Variants in MYH15 observed in about 807,000 individuals in gnomAD.
MYH15 encodes the protein myosin-15.
A neutral mutation model predicts 240.5 loss-of-function variants in MYH15; 227 were observed. The observed-to-expected ratio is 0.94, with a 90% CI of 0.85 to 1.05. The LOEUF (loss-of-function observed/expected upper bound fraction) is 1.05, where lower values mean the gene tolerates loss of function less well. Ranked by LOEUF, MYH15 falls within the 50% of genes least tolerant of loss-of-function variation. MYH15 has a pLI of 0.00. For missense variants in MYH15, 2,217 were observed against 2,247.5 expected, an observed-to-expected ratio of 0.99 and a Z score of 0.27; for synonymous variants, 785 against 796.7, an observed-to-expected ratio of 0.99 and a Z score of 0.25.
intron 26 of MYH15, among the ~76,000 whole-genome samples, chr3:108,430,430 G>A (rs565557222): frequency 4.3e-4 from 66 of 152,270 alleles, no homozygotes; most frequent in African/African-American, 1.4e-3. Context: ...TAATCACAAA[G>A]AATAATCATC....
chr3:108,406,012 AT>A (rs2082544099), intron 32 of MYH15, among the ~76,000 whole-genome samples: 1 of 152,202 alleles, frequency 6.6e-6, no homozygotes, highest in Non-Finnish European at 1.5e-5. Flanking sequence ...TAACACCATA[AT>A]TGGTACCACT....
chr3:108,468,256 G>A (rs970838002), intron 14 of MYH15, among the ~76,000 whole-genome samples: 5 of 152,182 alleles, frequency 3.3e-5, no homozygotes, highest in African/African-American at 1.2e-4. Context: ...ATAAGCCACT[G>A]CACCCAGCTG....
chr3:108,440,542 TCAAA>T lies in MYH15; in HGVS notation c.2898+472_2898+475del, dbSNP rs374380047. The stretch of plus-strand genomic sequence containing the variant: ...CACACAGATGCGCAAGTTAAAACCC[TCAAA>T]CAAACTCTCAGCCAAAACAAAACAT... On this transcript the variant is annotated intron_variant, in intron 23 of 40. Coordinates refer to ENST00000693548, the MANE Select transcript of MYH15 (RefSeq NM_014981.3). 2.5e-4 allele frequency among the ~76,000 whole-genome samples: 38 copies of T among 152,220 alleles called. No individual in the cohort carries two copies. In the South Asian group the frequency reaches 4.6e-3, roughly 18 times the overall value.
the MYH15 span, chr3:108,543,883 T>A: frequency 1.3e-5 from 2 of 152,258 alleles, no homozygotes; most frequent in African/African-American, 4.8e-5. Context: ...CATAGCTGCA[T>A]ATGGTTCTCC....
chr3:108,458,072 G>C (rs775962932), intron 18 of MYH15, among the ~76,000 whole-genome samples: 1 of 152,036 alleles, frequency 6.6e-6, no homozygotes, highest in African/African-American at 2.4e-5. Context: ...AAAAAAGGGA[G>C]GGGTACAGGG....
At chr3:108,482,341 A>G (rs2083273799) in intron 11 of MYH15, among the ~76,000 whole-genome samples, 1 of 152,178 alleles carries the variant, frequency 6.6e-6, no homozygotes, top group Non-Finnish European at 1.5e-5. Context: ...TCAAGGCTGG[A>G]GCCCTGAGCA....
At chr3:108,539,754 T>C in the MYH15 span, among the ~76,000 whole-genome samples, 5 of 152,150 alleles carry the variant, frequency 3.3e-5, no homozygotes, top group African/African-American at 1.2e-4. Context: ...GTAGAGATAA[T>C]ATTATCTGAA....
intron 18 of MYH15, among the ~76,000 whole-genome samples, chr3:108,458,170 TTCTTATGACTTTG>T (rs2083039831): frequency 6.6e-6 from 1 of 152,232 alleles, no homozygotes; most frequent in South Asian, 2.1e-4. Flanking sequence ...CATGAAGCTT[TTCTTATGACTTTG>T]TCTTATGACT....
intron 1 of MYH15, among the ~76,000 whole-genome samples, chr3:108,510,177 C>G (rs1010769946): frequency 5.3e-5 from 8 of 152,114 alleles, no homozygotes; most frequent in African/African-American, 1.9e-4. Flanking sequence ...AACAGGGGCT[C>G]CTTGAAGAGA....
At position 108,470,103 on chromosome 3, in the gene MYH15, A is replaced by G. The variant is rs1357652980; in HGVS notation, c.1493T>C (p.Ile498Thr). ...ACCAAAGCCAATAGACACCCATTCA[A>G]TGCTTTCTTTCTTATATTCCTCTTG... The part of the protein sequence containing the change: ...LEQEEYKKES[I>T]EWVSIGFGLD... Residue 498 changes from isoleucine (I) to threonine (T), a missense_variant, in exon 14 of 41, where the codon ATT (isoleucine) becomes ACT (threonine). By Grantham distance (89) the Ile-to-Thr change is moderately conservative. Coordinates refer to ENST00000693548, the MANE Select transcript of MYH15 (RefSeq NM_014981.3). 1 of 1,612,328 alleles carries G rather than the reference A, an allele frequency of 6.2e-7. No individual in the cohort carries two copies. Among genetic ancestry groups the G allele is most frequent in the African/African-American group, 1.3e-5 (1 of 74,880 alleles).
intron 28 of MYH15, among the ~76,000 whole-genome samples, chr3:108,419,788 C>T (rs541903546): frequency 6.6e-6 from 1 of 152,274 alleles, no homozygotes; most frequent in South Asian, 2.1e-4. Context: ...GAGGTGTCTA[C>T]TGGAGGAATT....
In MYH15 at chr3:108,384,707, T is replaced by G. The variant is rs771645089; in HGVS notation, c.5611A>C (p.Lys1871Gln). The G allele has an allele frequency of 1.6e-5, 26 of 1,613,632 alleles. No homozygotes were observed. The highest frequency in any genetic ancestry group is 2.1e-5 in the Non-Finnish European group (25 of 1,179,814). ...DKLQLKVQNY[K>Q]QQVEVAETQA... ...CTCACCGCCACCTCGACTTGCTGCTTGTAATTTTGCACTTTTAGCTGAAGT... is the reference window on the plus strand; with the variant it reads ...CTCACCGCCACCTCGACTTGCTGCTGGTAATTTTGCACTTTTAGCTGAAGT... The change falls in exon 39 of 41, where the codon AAG becomes CAG. Residue 1871 changes from lysine (K) to glutamine (Q), a missense_variant. Transcript: ENST00000693548.
chr3:108,530,471 T>C (rs911281394), upstream of MYH15, among the ~76,000 whole-genome samples: 14 of 152,178 alleles, frequency 9.2e-5, no homozygotes, highest in African/African-American at 3.4e-4. Flanking sequence ...AGGGGATTTT[T>C]TAGGGCAGTG....
chr3:108,543,336 A>G, the MYH15 span: 1 of 152,196 alleles, frequency 6.6e-6, no homozygotes, highest in Non-Finnish European at 1.5e-5. Context: ...ATTTTTTATA[A>G]CAGAATGATT....
At chr3:108,397,407 C>T (rs1325221999) in intron 35 of MYH15, among the ~76,000 whole-genome samples, 3 of 152,222 alleles carry the variant, frequency 2.0e-5, no homozygotes, top group Non-Finnish European at 2.9e-5. Flanking sequence ...TCAGAAGAAG[C>T]ATACTGTGCA....
In MYH15 at chr3:108,486,433, A is replaced by C; in HGVS notation, c.965T>G (p.Leu322Arg). 2 of 1,610,902 alleles carry C rather than the reference A, an allele frequency of 1.2e-6. No homozygotes were observed. The highest frequency in any genetic ancestry group is 1.7e-6 in the Non-Finnish European group (2 of 1,177,654). Residue 322 changes from leucine to arginine, a missense_variant, in exon 10 of 41, where the codon CTG (leucine) becomes CGG (arginine). Coordinates refer to ENST00000693548, the MANE Select transcript of MYH15 (RefSeq NM_014981.3). ...VESLDDAEEL[L>R]ATEQAMDILG... ...ACTAACAAGCCTTACTTCTGTGGCC[A>C]GCAATTCTTCAGCATCATCCAAGCT...
intron 12 of MYH15, among the ~76,000 whole-genome samples, chr3:108,474,221 A>AG (rs1346720508): frequency 2.6e-5 from 4 of 151,950 alleles, no homozygotes; most frequent in African/African-American, 7.2e-5. Flanking sequence ...AAAATTCCTA[A>AG]GGGAAAAAAA....
At chr3:108,470,982 G>T (rs2083169094) in intron 12 of MYH15, 135 bp from the exon 13 acceptor site, 5 of 518,824 alleles carry the variant, frequency 9.6e-6, no homozygotes, top group African/African-American at 2.0e-5. Flanking sequence ...ACATTCTGCT[G>T]AATACAATGA....
intron 16 of MYH15, 28 bp downstream of exon 16, chr3:108,463,083 A>C: frequency 6.3e-6 from 10 of 1,575,538 alleles, no homozygotes; most frequent in Non-Finnish European, 7.7e-6. Flanking sequence ...TCTGAGGCTG[A>C]AAAATCAAGG....
Sources: gnomAD v4.1 joint callset for allele counts (sites outside exome capture counted in the v4.1 genomes callset) on GRCh38, gnomAD v4.1.1 for gene constraint, MANE v1.5 for transcripts, NCBI Gene and HGNC (gene_info 2026-07-23, HGNC 2026-07-21) for gene names.